The following MECOM variants were observed in gnomAD, a reference collection of about 807,000 sequenced individuals.
MECOM encodes the protein MDS1 and EVI1 complex locus, also known as histone-lysine N-methyltransferase MECOM.
A neutral mutation model predicts 116.3 loss-of-function variants in MECOM; 13 were observed. The observed-to-expected ratio is 0.11, with a 90% CI of 0.07 to 0.18. The LOEUF (loss-of-function observed/expected upper bound fraction) is 0.18, where lower values mean the gene tolerates loss of function less well. MECOM is among the 10% of genes least tolerant of loss of function. MECOM has a pLI of 1.00. For missense variants in MECOM, 1,299 were observed against 1,509.0 expected, an observed-to-expected ratio of 0.86 and a Z score of 2.31; for synonymous variants, 528 against 535.2, an observed-to-expected ratio of 0.99 and a Z score of 0.19.
At chr3:169,243,310 C>T (rs915672110) in intron 2 of MECOM, among the ~76,000 whole-genome samples, 3 of 152,100 alleles carry the variant, frequency 2.0e-5, no homozygotes, top group Non-Finnish European at 4.4e-5. Context: ...TCATTCCAAC[C>T]CAGAAACATG....
chr3:169,156,081 T>C (rs1158498324), intron 2 of MECOM, among the ~76,000 whole-genome samples: 1 of 152,234 alleles, frequency 6.6e-6, no homozygotes, highest in African/African-American at 2.4e-5. Flanking sequence ...CATTTTCTAA[T>C]TGGTTATTAG....
intron 1 of MECOM, among the ~76,000 whole-genome samples, chr3:169,409,415 T>G (rs1299203220): frequency 2.6e-5 from 4 of 152,228 alleles, no homozygotes; most frequent in African/African-American, 4.8e-5. Flanking sequence ...TTAAAATCAC[T>G]TAGCAACTCT....
At chr3:169,291,033 G>A (rs1244588402) in intron 2 of MECOM, among the ~76,000 whole-genome samples, 1 of 152,084 alleles carries the variant, frequency 6.6e-6, no homozygotes, top group Non-Finnish European at 1.5e-5. Flanking sequence ...TACCACCTTT[G>A]TGGCCTGGGA....
intron 2 of MECOM, among the ~76,000 whole-genome samples, chr3:169,362,572 A>G (rs536954342): frequency 1.3e-5 from 2 of 152,032 alleles, no homozygotes; most frequent in South Asian, 4.1e-4. Context: ...GGTGGGGGCT[A>G]GGAGTAAAGG....
At position 169,191,728 on chromosome 3, in the gene MECOM, GAAAGAAAGAAAGAGA is replaced by G. The variant is rs1559973423; in HGVS notation, c.376-47911_376-47897del. 2.0e-3 allele frequency among the ~76,000 whole-genome samples: 70 copies of G among 34,164 alleles called. 3 individuals carry two copies. The highest frequency in any genetic ancestry group is 4.4e-3 in the African/African-American group (67 of 15,308). The allele number at this position is 34,164 out of a possible 152,430, so 22.4% of individuals were successfully genotyped here. On this transcript the variant is annotated intron_variant, in intron 2 of 16. Coordinates refer to ENST00000651503, the MANE Select transcript of MECOM (RefSeq NM_004991.4). Reference sequence around the variant, plus strand: ...AGAAAGAAAGAAAGAAAAAAAGAAAGAAAGAAAGAAAGAGAAAGAAAGAAAGAAAGAAAGAAAGAA... The same window carrying G: ...AGAAAGAAAGAAAGAAAAAAAGAAAGAAGAAAGAAAGAAAGAAAGAAAGAA...
chr3:169,285,587 C>T (rs1490527145), intron 2 of MECOM, among the ~76,000 whole-genome samples: 6 of 152,164 alleles, frequency 3.9e-5, no homozygotes, highest in Non-Finnish European at 8.8e-5. Flanking sequence ...CTGCAGTAAA[C>T]AGAGCCAGCT....
chr3:169,116,863 A>C (rs1481875996), intron 7 of MECOM, 124 bp from the exon 8 acceptor site: 27 of 1,225,664 alleles, frequency 2.2e-5, no homozygotes, highest in South Asian at 1.7e-5. Flanking sequence ...TGGAGGCACC[A>C]ATCTGGGTGC....
chr3:169,204,782 G>A (rs946987505), intron 2 of MECOM, among the ~76,000 whole-genome samples: 4 of 152,126 alleles, frequency 2.6e-5, no homozygotes, highest in Admixed American at 1.3e-4. Flanking sequence ...AGAGTTACAA[G>A]TTCAATGTTA....
chr3:169,134,826 G>C (rs1735854457), intron 3 of MECOM, among the ~76,000 whole-genome samples: 1 of 152,140 alleles, frequency 6.6e-6, no homozygotes, highest in African/African-American at 2.4e-5. Context: ...TTTGAGAAGA[G>C]ACAGGAGTAA....
Position 169,267,867 on chromosome 3 carries a change from G to T in MECOM, c.375+113320C>A, listed in dbSNP as rs149033123. ...CTCATGATCCAGAGATGCAGGAAAA[G>T]GAAGAGAAGACTCCCATAATTTTGT... On this transcript the variant is annotated intron_variant, in intron 2 of 16. Coordinates refer to ENST00000651503, the MANE Select transcript of MECOM (RefSeq NM_004991.4). Among the ~76,000 whole-genome samples the T allele has an allele frequency of 1.8e-3, 273 of 152,094 alleles. 2 individuals carry two copies. The highest frequency in any genetic ancestry group is 6.0e-3 in the African/African-American group (248 of 41,502).
At chr3:169,131,834 G>A (rs1325820143) in intron 3 of MECOM, 3 of 834,360 alleles carry the variant, frequency 3.6e-6, no homozygotes, top group African/African-American at 1.8e-5. Context: ...AATGTTTAAC[G>A]AAGAACTTTC....
At chr3:169,297,842 T>G (rs1010995894) in intron 2 of MECOM, among the ~76,000 whole-genome samples, 1 of 152,166 alleles carries the variant, frequency 6.6e-6, no homozygotes, top group East Asian at 1.9e-4. Flanking sequence ...CTGAAAAGTG[T>G]GCTAAAATCT....
intron 1 of MECOM, among the ~76,000 whole-genome samples, chr3:169,565,240 T>C (rs991897847): frequency 1.3e-5 from 2 of 152,142 alleles, no homozygotes; most frequent in Admixed American, 6.5e-5. Context: ...GGGAGGCATT[T>C]GATAAATGTT....
At chr3:169,089,264 T>C (rs1392893377) in intron 15 of MECOM, 81 bp from the exon 16 acceptor site, 5 of 1,051,680 alleles carry the variant, frequency 4.8e-6, no homozygotes, top group African/African-American at 3.3e-5. Flanking sequence ...AATCTATCTA[T>C]ACAACTGACA....
intron 2 of MECOM, among the ~76,000 whole-genome samples, chr3:169,363,774 A>C (rs888489212): frequency 2.0e-5 from 3 of 151,970 alleles, no homozygotes; most frequent in Admixed American, 2.0e-4. Context: ...AACACGCAGT[A>C]TATAAATAAG....
At chr3:169,438,177 A>ACTTCTCC (rs1454875872) in intron 1 of MECOM, among the ~76,000 whole-genome samples, 1 of 152,204 alleles carries the variant, frequency 6.6e-6, no homozygotes, top group African/African-American at 2.4e-5. Flanking sequence ...TTATCCCTAA[A>ACTTCTCC]CTATACACCT....
chr3:169,318,318 A>G (rs562577360), intron 2 of MECOM, among the ~76,000 whole-genome samples: 2 of 152,358 alleles, frequency 1.3e-5, no homozygotes, highest in African/African-American at 4.8e-5. Flanking sequence ...AGAAACTACC[A>G]TCAGAGTGAA....
intron 1 of MECOM, among the ~76,000 whole-genome samples, chr3:169,647,045 A>C (rs945943096): frequency 2.6e-5 from 4 of 152,218 alleles, no homozygotes; most frequent in Admixed American, 6.5e-5. Context: ...TCTTTAAGTT[A>C]AAGTGTCTTT....
intron 1 of MECOM, among the ~76,000 whole-genome samples, chr3:169,459,312 A>G (rs1747039523): frequency 6.6e-6 from 1 of 152,228 alleles, no homozygotes; most frequent in South Asian, 2.1e-4. Flanking sequence ...AGCAGTTACT[A>G]TGAAACTATA....
Sources: gnomAD v4.1 joint callset for allele counts (sites outside exome capture counted in the v4.1 genomes callset) on GRCh38, gnomAD v4.1.1 for gene constraint, MANE v1.5 for transcripts, NCBI Gene and HGNC (gene_info 2026-07-23, HGNC 2026-07-21) for gene names.